Variants in ZNF343 observed in about 807,000 individuals in gnomAD.
ZNF343 encodes zinc finger protein 343.
ZNF343 carries 11 observed loss-of-function variants against 13.8 expected under a neutral mutation model. The ratio of observed to expected loss-of-function variants is 0.80; its 90% CI spans 0.50 to 1.32. ZNF343 has a LOEUF of 1.32. ZNF343 is among the 40% of genes most tolerant of loss of function. The probability of loss-of-function intolerance (pLI) is 0.00; values close to 1 mark genes in which losing one functional copy is unlikely to be tolerated. For synonymous variants in ZNF343, 248 were observed against 260.0 expected (o/e 0.95, Z 0.44); for missense variants, 658 against 714.2 (o/e 0.92, Z 0.90).
At position 2,482,024 on chromosome 20, in the gene ZNF343, A is replaced by T. The variant is rs1243374491; in HGVS notation, c.*1137T>A. 2.0e-5 allele frequency: 3 copies of T among 152,212 alleles called. No homozygotes were observed. The highest frequency in any genetic ancestry group is 7.2e-5 in the African/African-American group (3 of 41,430). 9.4% of individuals were successfully genotyped at this position (152,212 alleles called of 1,614,324 possible). A position where few individuals can be genotyped will look rare whatever the true frequency, so the allele number is the denominator to read the frequency against. ...CCTCCTAAGTCAGTTGAGGAGTGAC[A>T]TCGGGATGAAGCTCCACCCACAAGC... On this transcript the variant is annotated 3_prime_UTR_variant, in exon 6 of 6. Transcript: ENST00000278772.
chr20:2,506,753 C>A (rs1349970678), intron 1 of ZNF343, among the ~76,000 whole-genome samples: 2 of 151,990 alleles, frequency 1.3e-5, no homozygotes, highest in African/African-American at 2.4e-5. Flanking sequence ...AATGAGAACA[C>A]ATGGACACAG....
intron 5 of ZNF343, among the ~76,000 whole-genome samples, chr20:2,487,314 T>C (rs1180233844): frequency 6.6e-6 from 1 of 152,346 alleles, no homozygotes; most frequent in East Asian, 1.9e-4. Context: ...CTCCTTTCCA[T>C]AGCCTTCCAG....
At chr20:2,497,996 A>G (rs2122650840) in intron 2 of ZNF343, among the ~76,000 whole-genome samples, 1 of 152,278 alleles carries the variant, frequency 6.6e-6, no homozygotes, top group East Asian at 1.9e-4. Context: ...AGTGACCCAA[A>G]ATGAGCAAGA....
In ZNF343 at chr20:2,484,141, A is replaced by G. The variant is rs751280981; in HGVS notation, c.820T>C (p.Cys274Arg). 1 of 1,614,214 alleles carries G rather than the reference A, an allele frequency of 6.2e-7. No homozygotes were observed. Among genetic ancestry groups the G allele is most frequent in the Non-Finnish European group, 8.5e-7 (1 of 1,180,034 alleles). ...GATCTATCTTTAAAGCTTCGCCCAC[A>G]ATCACTGCAAATGTAGGGCTTCTTC... The part of the protein sequence containing the change: ...LGKKPYICSD[C>R]GRSFKDRSTL... The change falls in exon 6 of 6, where the codon TGT becomes CGT. Residue 274 changes from cysteine to arginine, a missense_variant. Coordinates refer to ENST00000278772, the MANE Select transcript of ZNF343 (RefSeq NM_024325.6).
At position 2,482,091 on chromosome 20, in the gene ZNF343, G is replaced by C. The variant is rs1387921766; in HGVS notation, c.*1070C>G. 1 of 152,232 alleles carries C rather than the reference G, an allele frequency of 6.6e-6. No individual in the cohort carries two copies. Among genetic ancestry groups the C allele is most frequent in the Non-Finnish European group, 1.5e-5 (1 of 68,010 alleles). The allele number at this position is 152,232 out of a possible 1,614,324, so 9.4% of individuals were successfully genotyped here. A position where few individuals can be genotyped will look rare whatever the true frequency, so the allele number is the denominator to read the frequency against. Reference sequence around the variant, plus strand: ...TTCTCCCTGAGTGTGTCCTCCTTTAGTACAAGATGAGGTTTAACTTATTGC... The same window carrying C: ...TTCTCCCTGAGTGTGTCCTCCTTTACTACAAGATGAGGTTTAACTTATTGC... On this transcript the variant is annotated 3_prime_UTR_variant, in exon 6 of 6. Transcript: ENST00000278772.
chr20:2,491,587 G>T (rs1456223422), intron 5 of ZNF343, among the ~76,000 whole-genome samples: 3 of 152,112 alleles, frequency 2.0e-5, no homozygotes, highest in African/African-American at 7.2e-5. Flanking sequence ...AAAGTAAAAA[G>T]AGTAGTAATA....
chr20:2,484,763 ATATAAG>A (rs747976272), intron 5 of ZNF343, 107 bp from the exon 6 acceptor site: 110 of 998,984 alleles, frequency 1.1e-4, no homozygotes, highest in Middle Eastern at 2.4e-4. Flanking sequence ...ATAATTGATA[ATATAAG>A]TATAACACAA....
At chr20:2,519,701 C>G (rs1228451241) in intron 1 of ZNF343, among the ~76,000 whole-genome samples, 1 of 152,166 alleles carries the variant, frequency 6.6e-6, no homozygotes, top group Non-Finnish European at 1.5e-5. Context: ...ACATAAACAG[C>G]TTGGTTTCAT....
chr20:2,507,110 C>T (rs2085672560), intron 1 of ZNF343, among the ~76,000 whole-genome samples: 1 of 151,650 alleles, frequency 6.6e-6, no homozygotes, highest in African/African-American at 2.4e-5. Context: ...ACTAAAAATA[C>T]AAAATTAGCT....
At chr20:2,522,005 T>A (rs1736670896) in intron 1 of ZNF343, among the ~76,000 whole-genome samples, 1 of 152,214 alleles carries the variant, frequency 6.6e-6, no homozygotes, top group Non-Finnish European at 1.5e-5. Context: ...TTAAAATGAA[T>A]AAGTTATTTT....
In ZNF343 at chr20:2,483,076, C is replaced by T. The variant is rs2085193854; in HGVS notation, c.*85G>A. 6.9e-7 allele frequency: 1 copy of T among 1,455,924 alleles called. No homozygotes were observed. Among genetic ancestry groups the T allele is most frequent in the South Asian group, 1.3e-5 (1 of 74,498 alleles). The allele number at this position is 1,455,924 out of a possible 1,614,324, so 90.2% of individuals were successfully genotyped here. ...ACAATCTGTGTACACAGGGTCTACT[C>T]CCCATGTGTCTCTCTGGGGTAACAT... is the stretch of plus-strand genomic sequence containing the variant. On this transcript the variant is annotated 3_prime_UTR_variant, in exon 6 of 6. Transcript: ENST00000278772.
chr20:2,512,919 C>CA (rs71193970), upstream of ZNF343, among the ~76,000 whole-genome samples: 364 of 125,308 alleles, frequency 2.9e-3, 1 homozygote, highest in South Asian at 6.9e-3. Context: ...ATTTCTCTAC[C>CA]AAAAAAAAAA....
At chr20:2,517,113 G>A (rs2085762530) in intron 1 of ZNF343, among the ~76,000 whole-genome samples, 1 of 152,214 alleles carries the variant, frequency 6.6e-6, no homozygotes, top group Non-Finnish European at 1.5e-5. Flanking sequence ...TAAGGTTCAA[G>A]TCCAGGTTTG....
chr20:2,483,859 A>C lies in ZNF343; in HGVS notation c.1102T>G (p.Phe368Val), dbSNP rs1398366741. The C allele has an allele frequency of 6.2e-7, 1 of 1,606,702 alleles. No individual in the cohort carries two copies. The highest frequency in any genetic ancestry group is 1.7e-5 in the Admixed American group (1 of 59,332). Residue 368 changes from phenylalanine to valine, a missense_variant, in exon 6 of 6, where the codon TTC (phenylalanine) becomes GTC (valine). Phe to Val is a conservative substitution (Grantham distance 50, BLOSUM62 -1). Coordinates refer to ENST00000278772, the MANE Select transcript of ZNF343 (RefSeq NM_024325.6). ...GAGTGTGTCCTCTGGTGTCTGATGAAGGATGACTTCTCGCTAAAGCCTCGC... is the reference window on the plus strand; with the variant it reads ...GAGTGTGTCCTCTGGTGTCTGATGACGGATGACTTCTCGCTAAAGCCTCGC... ...CGRGFSEKSS[F>V]IRHQRTHSGE...
At chr20:2,489,567 T>A (rs2085334122) in intron 5 of ZNF343, among the ~76,000 whole-genome samples, 1 of 152,206 alleles carries the variant, frequency 6.6e-6, no homozygotes, top group Admixed American at 6.5e-5. Context: ...TCTTTTTCCC[T>A]CTACCTTGAG....
intron 1 of ZNF343, among the ~76,000 whole-genome samples, chr20:2,515,927 G>A (rs939425392): frequency 2.0e-5 from 3 of 152,092 alleles, no homozygotes; most frequent in Non-Finnish European, 2.9e-5. Flanking sequence ...CAGGGTCAGC[G>A]GCTGTGAAAG....
chr20:2,502,260 GA>G (rs1195241762), intron 1 of ZNF343, among the ~76,000 whole-genome samples: 2 of 152,074 alleles, frequency 1.3e-5, no homozygotes, highest in Non-Finnish European at 2.9e-5. Context: ...AGAAGTTAGA[GA>G]AAAAAGAATA....
intron 2 of ZNF343, among the ~76,000 whole-genome samples, chr20:2,500,441 C>T (rs986509704): frequency 2.0e-5 from 3 of 152,130 alleles, no homozygotes; most frequent in African/African-American, 4.8e-5. Context: ...GGGGCAAGGA[C>T]GGTGATAACC....
At chr20:2,517,851 C>T (rs1443452698) in intron 1 of ZNF343, among the ~76,000 whole-genome samples, 1 of 151,690 alleles carries the variant, frequency 6.6e-6, no homozygotes, top group Non-Finnish European at 1.5e-5. Context: ...TGAAAGTAAG[C>T]TTTAATAATA....
Sources: gnomAD v4.1 joint callset for allele counts (sites outside exome capture counted in the v4.1 genomes callset) on GRCh38, gnomAD v4.1.1 for gene constraint, MANE v1.5 for transcripts, NCBI Gene and HGNC (gene_info 2026-07-23, HGNC 2026-07-21) for gene names.